Variants in CACNA1C observed in about 807,000 individuals in gnomAD.
CACNA1C encodes voltage-dependent L-type calcium channel subunit alpha-1C.
CACNA1C carries 30 observed loss-of-function variants against 229.0 expected under a neutral mutation model. The ratio of observed to expected loss-of-function variants is 0.13; its 90% CI spans 0.10 to 0.18. CACNA1C has a LOEUF of 0.18. Ranked by LOEUF, CACNA1C falls within the 10% of genes least tolerant of loss-of-function variation. The pLI is 1.00. For missense variants in CACNA1C, 1,658 were observed against 2,845.0 expected, an observed-to-expected ratio of 0.58 and a Z score of 9.49; for synonymous variants, 1,114 against 1,132.5, an observed-to-expected ratio of 0.98 and a Z score of 0.33.
intron 3 of CACNA1C, among the ~76,000 whole-genome samples, chr12:2,301,960 T>C (rs1566950663): frequency 6.6e-6 from 1 of 152,246 alleles, no homozygotes. Context: ...CGAGGCTATT[T>C]TGAAGACATT....
chr12:2,499,015 C>T (rs1460259224), intron 7 of CACNA1C, among the ~76,000 whole-genome samples: 1 of 152,126 alleles, frequency 6.6e-6, no homozygotes, highest in Non-Finnish European at 1.5e-5. Flanking sequence ...TTGTTTTCTT[C>T]CCCCATGTAA....
At chr12:2,262,088 A>G (rs1302153032) in intron 3 of CACNA1C, among the ~76,000 whole-genome samples, 1 of 152,230 alleles carries the variant, frequency 6.6e-6, no homozygotes, top group Non-Finnish European at 1.5e-5. Context: ...AGGCTCGCCA[A>G]GGGGCACAGT....
chr12:2,407,899 G>A (rs1242947436), intron 3 of CACNA1C, among the ~76,000 whole-genome samples: 1 of 152,214 alleles, frequency 6.6e-6, no homozygotes, highest in East Asian at 1.9e-4. Flanking sequence ...GACAGAAAAT[G>A]TTAGACAATA....
intron 9 of CACNA1C, among the ~76,000 whole-genome samples, chr12:2,537,320 G>A (rs548948565): frequency 9.2e-5 from 14 of 152,330 alleles, no homozygotes; most frequent in South Asian, 4.1e-4. Context: ...TGGAGTAAAC[G>A]ACTGAATTTT....
chr12:2,099,699 C>G (rs967321595), intron 1 of CACNA1C, among the ~76,000 whole-genome samples: 3 of 152,242 alleles, frequency 2.0e-5, no homozygotes, highest in Non-Finnish European at 4.4e-5. Context: ...TGTATTTTCT[C>G]TTACTGTGGC....
chr12:2,440,788 A>G (rs1033268014), intron 3 of CACNA1C, among the ~76,000 whole-genome samples: 1 of 152,160 alleles, frequency 6.6e-6, no homozygotes, highest in Admixed American at 6.5e-5. Flanking sequence ...CCATATCCCA[A>G]GGAGTTTGGG....
chr12:2,170,288 G>A (rs1267751951), intron 3 of CACNA1C, among the ~76,000 whole-genome samples: 3 of 152,018 alleles, frequency 2.0e-5, no homozygotes, highest in Non-Finnish European at 4.4e-5. Flanking sequence ...TCAGGGTTAT[G>A]AAAAAAGGGG....
chr12:2,443,437 T>G (rs996480187), intron 3 of CACNA1C, among the ~76,000 whole-genome samples: 1 of 152,180 alleles, frequency 6.6e-6, no homozygotes, highest in Non-Finnish European at 1.5e-5. Flanking sequence ...GTCTGGGTGT[T>G]TCCATGCTAT....
intron 5 of CACNA1C, among the ~76,000 whole-genome samples, chr12:2,469,567 TCCAG>T (rs2099579374): frequency 6.6e-6 from 1 of 152,200 alleles, no homozygotes; most frequent in South Asian, 2.1e-4. Flanking sequence ...CAGTGTTGCT[TCCAG>T]TTCTAAGCTG....
intron 1 of CACNA1C, among the ~76,000 whole-genome samples, chr12:2,000,565 A>AT (rs1354943141): frequency 6.6e-6 from 1 of 152,168 alleles, no homozygotes; most frequent in South Asian, 2.1e-4. Flanking sequence ...TCTCTAACTT[A>AT]TAACAAGTAA....
rs547811756 is a variant in CACNA1C, at chr12:2,566,093, C to T, written c.1509-329C>T. Among the ~76,000 whole-genome samples the T allele has an allele frequency of 7.4e-4, 113 of 152,318 alleles. 1 individual carries two copies. Among genetic ancestry groups the T allele is most frequent in the African/African-American group, 2.6e-3 (110 of 41,580 alleles). ...AACACTATTTCTAAGAATGCTGTTT[C>T]ACAAAAATTAAAAAAACTTCCATTT... is the stretch of plus-strand genomic sequence containing the variant. On this transcript the variant is annotated intron_variant, in intron 11 of 46. Transcript: ENST00000399655. This position sits in a 1 kb window ranked among gnomAD's most constrained non-coding sequence, Gnocchi z 4.0.
At chr12:2,027,485 A>G (rs1217775251) in intron 1 of CACNA1C, among the ~76,000 whole-genome samples, 2 of 152,194 alleles carry the variant, frequency 1.3e-5, no homozygotes, top group African/African-American at 2.4e-5. Flanking sequence ...TGCTATTAAT[A>G]TATTCCTGTT....
intron 3 of CACNA1C, among the ~76,000 whole-genome samples, chr12:2,324,733 T>C (rs2239045): frequency 0.73 from 110,723 of 151,940 alleles, 40,861 homozygotes; most frequent in African/African-American, 0.85. Flanking sequence ...CATCAATCAC[T>C]TCCTTGGCGG....
At chr12:2,352,298 G>A (rs1481010469) in intron 3 of CACNA1C, among the ~76,000 whole-genome samples, 1 of 152,190 alleles carries the variant, frequency 6.6e-6, no homozygotes, top group Admixed American at 6.5e-5. Flanking sequence ...CAGAAGGTCT[G>A]TATGGTGAGA....
chr12:2,471,580 T>A (rs1035258183), intron 5 of CACNA1C, among the ~76,000 whole-genome samples: 14 of 152,352 alleles, frequency 9.2e-5, no homozygotes, highest in African/African-American at 3.4e-4. Context: ...ACGAATATTT[T>A]TGCTGGTATA....
chr12:2,620,221 G>A (rs2082554339), intron 29 of CACNA1C, among the ~76,000 whole-genome samples: 1 of 149,498 alleles, frequency 6.7e-6, no homozygotes, highest in African/African-American at 2.5e-5. Context: ...GTTATTGTCA[G>A]TTTGTAACAA....
At chr12:2,279,869 A>G (rs570062987) in intron 3 of CACNA1C, among the ~76,000 whole-genome samples, 1 of 152,366 alleles carries the variant, frequency 6.6e-6, no homozygotes, top group Non-Finnish European at 1.5e-5. Flanking sequence ...TGCAAATATC[A>G]TACCATTTTA....
intron 3 of CACNA1C, among the ~76,000 whole-genome samples, chr12:2,291,804 T>C (rs1012038361): frequency 6.6e-6 from 1 of 152,220 alleles, no homozygotes; most frequent in Non-Finnish European, 1.5e-5. Context: ...ACGTCACCTC[T>C]GTTTACTACG....
At chr12:2,387,537 G>A (rs570413884) in intron 3 of CACNA1C, among the ~76,000 whole-genome samples, 21 of 145,228 alleles carry the variant, frequency 1.4e-4, no homozygotes, top group East Asian at 9.9e-4. Context: ...AACTAAGAGC[G>A]AAAGAAAGAA....
Sources: allele counts gnomAD v4.1 joint callset (sites outside exome capture counted in the v4.1 genomes callset), GRCh38; gene constraint gnomAD v4.1.1; non-coding constraint Gnocchi (gnomAD v3.1); transcripts MANE v1.5; gene names NCBI Gene and HGNC (gene_info 2026-07-23, HGNC 2026-07-21).